SIPA1L2: variants seen among roughly 807,000 people sequenced by gnomAD.
SIPA1L2 encodes the protein signal-induced proliferation-associated 1-like protein 2.
SIPA1L2 carries 56 observed loss-of-function variants against 163.9 expected under a neutral mutation model. The ratio of observed to expected loss-of-function variants is 0.34; its 90% CI spans 0.28 to 0.43. The LOEUF is 0.43. SIPA1L2 is among the 20% of genes least tolerant of loss of function. The pLI, the probability that SIPA1L2 is intolerant of heterozygous loss-of-function variation, is 1.00. For synonymous variants in SIPA1L2, 877 were observed against 865.7 expected (o/e 1.01, Z -0.23); for missense variants, 1,974 against 2,193.5 (o/e 0.90, Z 2.00).
chr1:232,515,279 A>G lies in SIPA1L2; in HGVS notation c.61T>C (p.Phe21Leu), dbSNP rs768674657. ...TGCATGATTCTAGGGGGATCCTTGA[A>G]CTTTGAAGAGGCTCTGCCTAGCTTG... is the stretch of plus-strand genomic sequence containing the variant. ...KHKLGRASSK[F>L]KDPPRIMQSD... The change falls in exon 3 of 23, where the codon TTC becomes CTC. Residue 21 changes from phenylalanine to leucine, a missense_variant. Coordinates refer to ENST00000674635, the MANE Select transcript of SIPA1L2 (RefSeq NM_020808.5). 108 of 1,613,454 alleles carry G rather than the reference A, an allele frequency of 6.7e-5. No individual in the cohort carries two copies. Among genetic ancestry groups the G allele is most frequent in the Middle Eastern group, 1.6e-4 (1 of 6,082 alleles).
rs149151247 is a variant in SIPA1L2, at chr1:232,439,973, G to C, written c.3643-477C>G. ...TAATCACTTAACCCTCTCTGTGCTT[G>C]TAATACCGAGCTTACATGATTCCTG... On this transcript the variant is annotated intron_variant, in intron 14 of 22. Transcript: ENST00000674635. Among the ~76,000 whole-genome samples, 97 of 152,306 alleles carry C rather than the reference G, an allele frequency of 6.4e-4. 1 individual carries two copies. In the Middle Eastern group the frequency reaches 0.014, roughly 21 times the overall value.
At chr1:232,538,663 C>T (rs1485873173) in intron 2 of SIPA1L2, among the ~76,000 whole-genome samples, 3 of 149,252 alleles carry the variant, frequency 2.0e-5, no homozygotes, top group Non-Finnish European at 4.4e-5. Context: ...CTTAAAGTCC[C>T]CCAGGCTTAG....
intron 1 of SIPA1L2, among the ~76,000 whole-genome samples, chr1:232,598,745 G>C (rs562855873): frequency 1.3e-5 from 2 of 152,144 alleles, no homozygotes; most frequent in African/African-American, 4.8e-5. Context: ...CAGAGCTCAG[G>C]CCTCATGACC....
In SIPA1L2 at chr1:232,592,372, T is replaced by G. The variant is rs964754354; in HGVS notation, c.-318-18150A>C. Among the ~76,000 whole-genome samples, 71 of 152,224 alleles carry G rather than the reference T, an allele frequency of 4.7e-4. 1 individual carries two copies. The highest frequency in any genetic ancestry group is 1.9e-4 in the East Asian group (1 of 5,194). ...AGAGGTAAACACATCTCAACTGGTA[T>G]AGCTGAATGAGACCACCTGCCACTT... On this transcript the variant is annotated intron_variant, in intron 1 of 22. Transcript: ENST00000674635.
chr1:232,451,627 T>TA (rs1328657224), intron 10 of SIPA1L2, among the ~76,000 whole-genome samples: 3 of 152,202 alleles, frequency 2.0e-5, no homozygotes, highest in African/African-American at 7.2e-5. Flanking sequence ...ACCTCATTGA[T>TA]ACACATGCTT....
intron 10 of SIPA1L2, among the ~76,000 whole-genome samples, chr1:232,448,085 G>A (rs978069352): frequency 1.3e-5 from 2 of 152,116 alleles, no homozygotes; most frequent in African/African-American, 4.8e-5. Flanking sequence ...TCCCTAAAAG[G>A]TCACAGGCTA....
At chr1:232,616,892 G>C (rs1662527424) in intron 1 of SIPA1L2, among the ~76,000 whole-genome samples, 1 of 152,180 alleles carries the variant, frequency 6.6e-6, no homozygotes, top group Non-Finnish European at 1.5e-5. Context: ...ACTAAGTCTA[G>C]AATTTTATTT....
chr1:232,494,800 A>G (rs1322739702), intron 3 of SIPA1L2, among the ~76,000 whole-genome samples: 1 of 152,192 alleles, frequency 6.6e-6, no homozygotes, highest in African/African-American at 2.4e-5. Context: ...CATCACACCA[A>G]TCATTCATGT....
intron 17 of SIPA1L2, 145 bp from the exon 18 acceptor site, chr1:232,425,953 CAT>C: frequency 5.7e-6 from 4 of 698,780 alleles, no homozygotes; most frequent in Non-Finnish European, 9.5e-6. Flanking sequence ...CCAAACGCAG[CAT>C]GCAGGGGATC....
rs1252330208 is a variant in SIPA1L2 at position 232,594,747 on chromosome 1, G to C, written c.-318-20525C>G. On this transcript the variant is annotated intron_variant, in intron 1 of 22. Coordinates refer to ENST00000674635, the MANE Select transcript of SIPA1L2 (RefSeq NM_020808.5). The stretch of plus-strand genomic sequence containing the variant: ...AAGTCCTAGTCTCTAAATTTCATAT[G>C]CTTATTCTTAGATCTAATCAGAACC... Among the ~76,000 whole-genome samples, 3 of 151,946 alleles carry C rather than the reference G, an allele frequency of 2.0e-5. No individual in the cohort carries two copies. In the East Asian group the frequency reaches 5.8e-4, roughly 29 times the overall value.
intron 3 of SIPA1L2, among the ~76,000 whole-genome samples, chr1:232,503,960 G>T (rs560953676): frequency 3.3e-5 from 5 of 152,308 alleles, no homozygotes; most frequent in African/African-American, 4.8e-5. Context: ...GGAGGCAGAA[G>T]GAGAAGGATT....
intron 2 of SIPA1L2, among the ~76,000 whole-genome samples, chr1:232,524,219 G>C (rs1416674093): frequency 6.6e-6 from 1 of 152,194 alleles, no homozygotes; most frequent in Non-Finnish European, 1.5e-5. Context: ...GAATGAAAGA[G>C]CTTCCTAATC....
rs371574240 is a variant in SIPA1L2 at position 232,465,371 on chromosome 1, C to T, written c.2289G>A (p.Pro763=). The T allele has an allele frequency of 3.6e-4, 576 of 1,613,222 alleles. No individual in the cohort carries two copies. Among genetic ancestry groups the T allele is most frequent in the Admixed American group, 1.1e-3 (68 of 59,958 alleles). ...TTGGAAAAGTTACACCTTTGGGAAT[C>T]GGTGGGCCAAATGGTGGCACATCTT... ...RSKDVPPFGP[P]IPKGVTFPKS... is the part of the protein sequence containing the mutation. The change falls in exon 9 of 23, where the codon CCG becomes CCA. Residue 763 remains proline (P), a synonymous_variant. Transcript: ENST00000674635. This position sits in a 1 kb window ranked among gnomAD's most constrained non-coding sequence, Gnocchi z 4.1.
At position 232,461,270 on chromosome 1, in the gene SIPA1L2, C is replaced by A. The variant is rs549128789; in HGVS notation, c.2821-109G>T. 4 of 1,369,154 alleles carry A rather than the reference C, an allele frequency of 2.9e-6. No individual in the cohort carries two copies. The East Asian group carries it at 9.2e-5, about 32-fold the overall frequency. 84.8% of individuals were successfully genotyped at this position (1,369,154 alleles called of 1,614,324 possible). On this transcript the variant is annotated intron_variant, in intron 9 of 22. Coordinates refer to ENST00000674635, the MANE Select transcript of SIPA1L2 (RefSeq NM_020808.5). ...ATGCCAGCCCTCTCCCTTGGGCCCT[C>A]GCAGCCCAGCCTGTCTCTCTCTGCC...
intron 18 of SIPA1L2, among the ~76,000 whole-genome samples, chr1:232,421,888 A>T (rs2102800415): frequency 6.6e-6 from 1 of 152,352 alleles, no homozygotes; most frequent in East Asian, 1.9e-4. Flanking sequence ...GAAATCTAAG[A>T]ATTCTCATCA....
chr1:232,467,395 T>TA (rs1382431900), intron 8 of SIPA1L2, among the ~76,000 whole-genome samples: 1 of 152,196 alleles, frequency 6.6e-6, no homozygotes, highest in Admixed American at 6.5e-5. Flanking sequence ...GCCAGGGATC[T>TA]ACATCAGGTG....
At chr1:232,625,692 G>C (rs775239543) in intron 1 of SIPA1L2, among the ~76,000 whole-genome samples, 12 of 152,144 alleles carry the variant, frequency 7.9e-5, no homozygotes, top group Non-Finnish European at 1.8e-4. Flanking sequence ...AACTCTGACA[G>C]AGACTGAAGG....
chr1:232,412,008 T>C (rs1407578661), intron 19 of SIPA1L2, among the ~76,000 whole-genome samples: 1 of 152,234 alleles, frequency 6.6e-6, no homozygotes, highest in Non-Finnish European at 1.5e-5. Context: ...AATACCTGAC[T>C]CTCACCCACA....
intron 2 of SIPA1L2, among the ~76,000 whole-genome samples, chr1:232,557,036 G>A (rs921685112): frequency 2.0e-5 from 3 of 152,098 alleles, no homozygotes; most frequent in Admixed American, 6.6e-5. Flanking sequence ...CCTGTGTCCC[G>A]TGAGCAAAAG....
Sources: gnomAD v4.1 joint callset for allele counts (sites outside exome capture counted in the v4.1 genomes callset) on GRCh38, gnomAD v4.1.1 for gene constraint, Gnocchi (gnomAD v3.1) non-coding constraint, MANE v1.5 for transcripts, NCBI Gene and HGNC (gene_info 2026-07-23, HGNC 2026-07-21) for gene names.